Variants in TRHDE observed in about 807,000 individuals in gnomAD.
The protein encoded by TRHDE is thyrotropin-releasing hormone-degrading ectoenzyme.
A neutral mutation model predicts 125.7 loss-of-function variants in TRHDE; 72 were observed. The ratio of observed to expected loss-of-function variants is 0.57; its 90% CI spans 0.47 to 0.70. The LOEUF is 0.70. Among genes scored for constraint, TRHDE ranks in the 30% least tolerant of loss-of-function variants. The probability of loss-of-function intolerance (pLI) is 0.00; values close to 1 mark genes in which losing one functional copy is unlikely to be tolerated. For missense variants in TRHDE, 1,110 were observed against 1,327.1 expected (o/e 0.84, Z 2.54); for synonymous variants, 509 against 509.1 (o/e 1.00, Z 0.00).
chr12:72,450,086 T>C (rs1405306977), intron 3 of TRHDE, among the ~76,000 whole-genome samples: 1 of 152,050 alleles, frequency 6.6e-6, no homozygotes, highest in Non-Finnish European at 1.5e-5. Context: ...CCTCTGGGTA[T>C]ATCTCCAAAG....
chr12:72,324,046 C>A (rs890427592), intron 2 of TRHDE, among the ~76,000 whole-genome samples: 7 of 152,114 alleles, frequency 4.6e-5, no homozygotes, highest in African/African-American at 1.7e-4. Context: ...TTGTTCAACA[C>A]TTCCTGTGCA....
rs1592509636 is a variant in TRHDE at position 72,272,508 on chromosome 12, A to G, written c.-136A>G. The G allele has an allele frequency of 4.5e-5, 25 of 549,682 alleles. No individual in the cohort carries two copies. In the East Asian group the frequency reaches 7.6e-4, roughly 17 times the overall value. The allele number at this position is 549,682 out of a possible 1,614,324, so 34.1% of individuals were successfully genotyped here. On this transcript the variant is annotated 5_prime_UTR_variant, in exon 1 of 19. An upstream open reading frame in the 5' UTR loses its in-frame stop. Transcript: ENST00000261180. This position sits in a 1 kb window ranked among gnomAD's most constrained non-coding sequence, Gnocchi z 6.7. Reference sequence around the variant, plus strand: ...TCGCTTGTGTCCAGAACCCGTCTTAAAAGAACCCGGGCCAGCATCCCCAGT... The same window carrying G: ...TCGCTTGTGTCCAGAACCCGTCTTAGAAGAACCCGGGCCAGCATCCCCAGT...
chr12:72,157,214 C>G (rs1876534487), intron 2 of TRHDE, among the ~76,000 whole-genome samples: 1 of 151,718 alleles, frequency 6.6e-6, no homozygotes. Context: ...CTAAAAAATC[C>G]AGCAGTATAG....
intron 5 of TRHDE, among the ~76,000 whole-genome samples, chr12:72,490,753 C>A: frequency 1.6e-5 from 2 of 127,550 alleles, no homozygotes. Context: ...TATGTGGAAT[C>A]TGTAAAAAAA....
chr12:72,622,401 C>T (rs1020049180), intron 15 of TRHDE, among the ~76,000 whole-genome samples: 2 of 151,982 alleles, frequency 1.3e-5, no homozygotes, highest in Non-Finnish European at 2.9e-5. Flanking sequence ...ATTATGCCTA[C>T]AGTATTTTAA....
intron 5 of TRHDE, among the ~76,000 whole-genome samples, chr12:72,492,030 T>A (rs532356263): frequency 6.6e-6 from 1 of 152,148 alleles, no homozygotes; most frequent in East Asian, 1.9e-4. Flanking sequence ...TGATTATTTT[T>A]AAAATTATTT....
At chr12:72,515,616 C>G (rs1700284652) in intron 6 of TRHDE, among the ~76,000 whole-genome samples, 1 of 152,054 alleles carries the variant, frequency 6.6e-6, no homozygotes, top group African/African-American at 2.4e-5. Context: ...TTGGTAGTTT[C>G]TTTTGCTGTG....
chr12:72,483,745 A>G (rs1592480229), intron 5 of TRHDE, among the ~76,000 whole-genome samples: 1 of 151,956 alleles, frequency 6.6e-6, no homozygotes, highest in East Asian at 1.9e-4. Context: ...AAAATTTTCA[A>G]ATTTCAAAAA....
chr12:72,114,613 G>A (rs1033312737), intron 2 of TRHDE, among the ~76,000 whole-genome samples: 16 of 152,194 alleles, frequency 1.1e-4, no homozygotes, highest in Admixed American at 3.3e-4. Flanking sequence ...GCTGTCAAAG[G>A]GAAGGGAGAA....
At chr12:72,572,804 G>A (rs1870809886) in intron 10 of TRHDE, among the ~76,000 whole-genome samples, 1 of 151,852 alleles carries the variant, frequency 6.6e-6, no homozygotes, top group Non-Finnish European at 1.5e-5. Context: ...ATATCTATAA[G>A]TTGTTGAAAT....
At chr12:72,487,688 G>A (rs1877477395) in intron 5 of TRHDE, among the ~76,000 whole-genome samples, 1 of 152,052 alleles carries the variant, frequency 6.6e-6, no homozygotes, top group Non-Finnish European at 1.5e-5. Flanking sequence ...TCATGAATAT[G>A]TATAAAAGTA....
chr12:72,317,268 T>C (rs779515575), intron 2 of TRHDE, among the ~76,000 whole-genome samples: 20 of 152,312 alleles, frequency 1.3e-4, no homozygotes, highest in Middle Eastern at 3.4e-3. Flanking sequence ...TCTGCATGCC[T>C]GTAGTTTGTA....
intron 2 of TRHDE, among the ~76,000 whole-genome samples, chr12:72,218,568 A>T (rs1330082242): frequency 6.6e-6 from 1 of 152,142 alleles, no homozygotes; most frequent in Non-Finnish European, 1.5e-5. Context: ...TTTAGAGCCT[A>T]GAAGTTTGAA....
chr12:72,200,065 A>G (rs1877524708), intron 2 of TRHDE, among the ~76,000 whole-genome samples: 1 of 152,222 alleles, frequency 6.6e-6, no homozygotes, highest in Admixed American at 6.5e-5. Context: ...GTAGTTTTAC[A>G]GAGTTCTAAG....
chr12:72,392,782 G>A (rs1377084907), intron 3 of TRHDE, among the ~76,000 whole-genome samples: 1 of 152,034 alleles, frequency 6.6e-6, no homozygotes, highest in Admixed American at 6.6e-5. Context: ...TCTCTGAAAG[G>A]CACTTATTCA....
chr12:72,393,824 T>C lies in TRHDE; in HGVS notation c.1315+15703T>C, dbSNP rs967508460. Among the ~76,000 whole-genome samples, 13 of 152,208 alleles carry C rather than the reference T, an allele frequency of 8.5e-5. No homozygotes were observed. In the South Asian group the frequency reaches 1.9e-3, roughly 22 times the overall value. On this transcript the variant is annotated intron_variant, in intron 3 of 18. Transcript: ENST00000261180. Reference sequence around the variant, plus strand: ...AAGTATGTTACAAGTATCATAAAGATATTACTATGAATTTCATGAAAATAT... The same window carrying C: ...AAGTATGTTACAAGTATCATAAAGACATTACTATGAATTTCATGAAAATAT...
intron 3 of TRHDE, among the ~76,000 whole-genome samples, chr12:72,467,189 T>C (rs189099182): frequency 1.5e-3 from 235 of 152,228 alleles, no homozygotes; most frequent in African/African-American, 5.4e-3. Context: ...CACATTAACT[T>C]GTCATTTAAC....
intron 2 of TRHDE, chr12:72,140,073 T>C (rs1876079463): frequency 6.6e-6 from 1 of 152,248 alleles, no homozygotes. Context: ...AAGCTGTCTC[T>C]TGTGGGGAAA....
chr12:72,284,104 A>G (rs997043447), intron 1 of TRHDE, among the ~76,000 whole-genome samples: 1 of 152,148 alleles, frequency 6.6e-6, no homozygotes, highest in African/African-American at 2.4e-5. Context: ...GGAAATGCTT[A>G]TTGGAACGTT....
Sources: gnomAD v4.1 joint callset for allele counts (sites outside exome capture counted in the v4.1 genomes callset) on GRCh38, gnomAD v4.1.1 for gene constraint, Gnocchi (gnomAD v3.1) non-coding constraint, MANE v1.5 for transcripts, NCBI Gene and HGNC (gene_info 2026-07-23, HGNC 2026-07-21) for gene names.